Variants in CAMKMT observed in about 807,000 individuals in gnomAD.
CAMKMT encodes the protein CaM KMT.
In CAMKMT, 53 loss-of-function variants were observed where a neutral mutation model predicts 48.0. The observed-to-expected ratio is 1.10, with a 90% CI of 0.89 to 1.39. The LOEUF (loss-of-function observed/expected upper bound fraction) is 1.39. Among genes scored for constraint, CAMKMT ranks in the 40% most tolerant of loss-of-function variants. The pLI is 0.00. For synonymous variants in CAMKMT, 165 were observed against 152.3 expected, an observed-to-expected ratio of 1.08 and a Z score of -0.61; for missense variants, 428 against 402.7, an observed-to-expected ratio of 1.06 and a Z score of -0.54.
chr2:44,624,771 T>A (rs1672387461), intron 3 of CAMKMT, among the ~76,000 whole-genome samples: 1 of 152,184 alleles, frequency 6.6e-6, no homozygotes, highest in Non-Finnish European at 1.5e-5. Flanking sequence ...TTGTGAATAG[T>A]GCCGCAATAA....
intron 3 of CAMKMT, among the ~76,000 whole-genome samples, chr2:44,637,137 A>G (rs1166587550): frequency 6.6e-6 from 1 of 152,274 alleles, no homozygotes; most frequent in Non-Finnish European, 1.5e-5. Context: ...AGGCACCTGT[A>G]GAATAGTTAA....
intron 3 of CAMKMT, among the ~76,000 whole-genome samples, chr2:44,659,021 G>A (rs1473629327): frequency 6.7e-6 from 1 of 149,888 alleles, no homozygotes; most frequent in African/African-American, 2.5e-5. Context: ...GTTAGCTGTT[G>A]GTCCTAGTGA....
intron 4 of CAMKMT, among the ~76,000 whole-genome samples, chr2:44,705,864 A>G (rs1005078032): frequency 4.6e-5 from 7 of 152,196 alleles, no homozygotes; most frequent in African/African-American, 1.4e-4. Flanking sequence ...ATATAGGTAT[A>G]TACACACTCA....
At chr2:44,665,176 T>G (rs1311619269) in intron 3 of CAMKMT, among the ~76,000 whole-genome samples, 1 of 152,192 alleles carries the variant, frequency 6.6e-6, no homozygotes, top group African/African-American at 2.4e-5. Flanking sequence ...GTTCAAGCAA[T>G]TCTCCTGCCT....
At chr2:44,459,025 CT>C (rs372341678) in intron 3 of CAMKMT, among the ~76,000 whole-genome samples, 24 of 151,990 alleles carry the variant, frequency 1.6e-4, no homozygotes, top group African/African-American at 5.8e-4. Context: ...GCACCACCAA[CT>C]TTTTGAGTTT....
intron 3 of CAMKMT, among the ~76,000 whole-genome samples, chr2:44,414,173 A>T (rs1315081648): frequency 6.6e-6 from 1 of 152,106 alleles, no homozygotes; most frequent in Non-Finnish European, 1.5e-5. Context: ...TATAATGGTT[A>T]TTTTCTGGTT....
intron 3 of CAMKMT, among the ~76,000 whole-genome samples, chr2:44,548,237 C>T (rs890215189): frequency 6.6e-6 from 1 of 152,178 alleles, no homozygotes; most frequent in Non-Finnish European, 1.5e-5. Flanking sequence ...TCATTCCTGA[C>T]TCTGTTGGGT....
chr2:44,374,285 A>C (rs1041102766), intron 2 of CAMKMT, among the ~76,000 whole-genome samples: 6 of 152,130 alleles, frequency 3.9e-5, no homozygotes, highest in Admixed American at 3.3e-4. Context: ...CTTGGTTAGA[A>C]AGGAAAGAAA....
At chr2:44,395,891 T>C (rs1490529960) in intron 3 of CAMKMT, among the ~76,000 whole-genome samples, 1 of 152,162 alleles carries the variant, frequency 6.6e-6, no homozygotes, top group Admixed American at 6.5e-5. Context: ...AATGTAAAGC[T>C]ACACAATTAA....
chr2:44,624,472 C>T (rs142894032), intron 3 of CAMKMT, among the ~76,000 whole-genome samples: 193 of 152,150 alleles, frequency 1.3e-3, no homozygotes, highest in African/African-American at 4.3e-3. Flanking sequence ...TGCTGTCCCT[C>T]CCCTGTGCCC....
intron 8 of CAMKMT, among the ~76,000 whole-genome samples, chr2:44,751,490 G>A (rs1461666874): frequency 6.6e-6 from 1 of 152,132 alleles, no homozygotes; most frequent in Non-Finnish European, 1.5e-5. Flanking sequence ...TACCTCATAG[G>A]ATTGATGTGA....
chr2:44,766,252 A>G (rs1398217336), intron 9 of CAMKMT, among the ~76,000 whole-genome samples, 178 bp from the exon 10 acceptor site: 1 of 152,232 alleles, frequency 6.6e-6, no homozygotes, highest in Non-Finnish European at 1.5e-5. Context: ...CGATTCTTAT[A>G]TGATATACAT....
intron 3 of CAMKMT, among the ~76,000 whole-genome samples, chr2:44,538,037 T>C (rs1283372803): frequency 6.6e-6 from 1 of 152,094 alleles, no homozygotes; most frequent in Non-Finnish European, 1.5e-5. Context: ...ATTGCAAAGA[T>C]ATGGAACCAA....
chr2:44,629,428 TC>T (rs1437809464), intron 3 of CAMKMT, among the ~76,000 whole-genome samples: 1 of 148,860 alleles, frequency 6.7e-6, no homozygotes, highest in East Asian at 1.9e-4. Flanking sequence ...TTTCTTTCTT[TC>T]TTTCTTTTTT....
intron 3 of CAMKMT, among the ~76,000 whole-genome samples, chr2:44,669,199 A>G (rs984201869): frequency 1.3e-5 from 2 of 152,160 alleles, no homozygotes; most frequent in Non-Finnish European, 2.9e-5. Context: ...ATCTTATTAT[A>G]TATTCTTCTG....
At chr2:44,420,464 A>T (rs1683857393) in intron 3 of CAMKMT, among the ~76,000 whole-genome samples, 1 of 152,136 alleles carries the variant, frequency 6.6e-6, no homozygotes, top group Admixed American at 6.6e-5. Context: ...ATTTGCATAT[A>T]ACTTTTGACT....
rs1667365365 is a variant in CAMKMT at position 44,545,832 on chromosome 2, T to C, written c.376+155527T>C. Among the ~76,000 whole-genome samples, 7 of 152,110 alleles carry C rather than the reference T, an allele frequency of 4.6e-5. No individual in the cohort carries two copies. The South Asian group carries it at 1.5e-3, about 32-fold the overall frequency. ...TTGATTAAAAAATTAATTCTAATGA[T>C]GAAAATCTAGAAGCCAGATATAATT... On this transcript the variant is annotated intron_variant, in intron 3 of 10. Coordinates refer to ENST00000378494, the MANE Select transcript of CAMKMT (RefSeq NM_024766.5).
intron 3 of CAMKMT, among the ~76,000 whole-genome samples, chr2:44,451,723 C>G (rs74956995): frequency 0.011 from 1,596 of 151,602 alleles, 33 homozygotes; most frequent in African/African-American, 0.037. Context: ...TTTTACGTGG[C>G]TAGATATGTG....
intron 3 of CAMKMT, among the ~76,000 whole-genome samples, chr2:44,551,330 A>G (rs1008170205): frequency 6.6e-6 from 1 of 152,164 alleles, no homozygotes; most frequent in Non-Finnish European, 1.5e-5. Flanking sequence ...CTCACTGTTC[A>G]GGTGACTCTA....
Sources: gnomAD v4.1 joint callset for allele counts (sites outside exome capture counted in the v4.1 genomes callset) on GRCh38, gnomAD v4.1.1 for gene constraint, MANE v1.5 for transcripts, NCBI Gene and HGNC (gene_info 2026-07-23, HGNC 2026-07-21) for gene names.